LRMDA: variants seen among roughly 807,000 people sequenced by gnomAD.
The protein encoded by LRMDA is leucine-rich melanocyte differentiation-associated protein.
LRMDA carries 18 observed loss-of-function variants against 29.8 expected under a neutral mutation model. The observed-to-expected ratio is 0.60, with a 90% CI of 0.42 to 0.90. The LOEUF (loss-of-function observed/expected upper bound fraction) is 0.90. Among genes scored for constraint, LRMDA ranks in the 40% least tolerant of loss-of-function variants. The pLI is 0.00. For synonymous variants in LRMDA, 125 were observed against 109.4 expected, an observed-to-expected ratio of 1.14 and a Z score of -0.89; for missense variants, 273 against 273.9, an observed-to-expected ratio of 1.00 and a Z score of 0.02.
chr10:76,168,347 G>A (rs745509991), intron 5 of LRMDA, among the ~76,000 whole-genome samples: 19 of 152,184 alleles, frequency 1.2e-4, no homozygotes, highest in Admixed American at 3.3e-4. Context: ...GATTTCCTAT[G>A]TTGATTGGGA....
intron 6 of LRMDA, among the ~76,000 whole-genome samples, chr10:76,543,695 T>A (rs1374665247): frequency 2.0e-5 from 3 of 152,128 alleles, no homozygotes; most frequent in Non-Finnish European, 4.4e-5. Context: ...CATGCAGTAC[T>A]CCTAGAGAGC....
chr10:76,020,071 TGAGTAGTGTTTTCCTG>T (rs950564671), intron 2 of LRMDA, among the ~76,000 whole-genome samples: 3 of 152,174 alleles, frequency 2.0e-5, no homozygotes, highest in Non-Finnish European at 2.9e-5. Context: ...CACTGACCCC[TGAGTAGTGTTTTCCTG>T]GATGCTGCAT....
intron 6 of LRMDA, among the ~76,000 whole-genome samples, chr10:76,342,407 G>T (rs1047089406): frequency 1.3e-5 from 2 of 151,946 alleles, no homozygotes; most frequent in Non-Finnish European, 2.9e-5. Flanking sequence ...TAGATAGCTT[G>T]AAGTACATAT....
At chr10:75,691,062 TGCC>T (rs1589159322) in intron 2 of LRMDA, among the ~76,000 whole-genome samples, 1 of 136,230 alleles carries the variant, frequency 7.3e-6, no homozygotes, top group Non-Finnish European at 1.6e-5. Flanking sequence ...GATATATATC[TGCC>T]ATAGATATAT....
chr10:75,827,615 T>C (rs1844269779), intron 2 of LRMDA, among the ~76,000 whole-genome samples: 1 of 152,220 alleles, frequency 6.6e-6, no homozygotes, highest in South Asian at 2.1e-4. Flanking sequence ...TTGAGGGACT[T>C]TGAGGCACTG....
At chr10:76,120,226 TC>T (rs1849759334) in intron 5 of LRMDA, among the ~76,000 whole-genome samples, 1 of 150,504 alleles carries the variant, frequency 6.6e-6, no homozygotes, top group African/African-American at 2.5e-5. Flanking sequence ...TCTCACTCTG[TC>T]ACCCAGGCTG....
intron 5 of LRMDA, among the ~76,000 whole-genome samples, chr10:76,166,359 G>A (rs1336478146): frequency 6.6e-6 from 1 of 152,100 alleles, no homozygotes; most frequent in African/African-American, 2.4e-5. Context: ...GTGCAGGTTT[G>A]TTATATAGGT....
chr10:75,793,444 G>T (rs189877181), intron 2 of LRMDA, among the ~76,000 whole-genome samples: 3 of 152,268 alleles, frequency 2.0e-5, no homozygotes, highest in South Asian at 2.1e-4. Context: ...TTTCAGCAGG[G>T]TTATGCATGT....
At chr10:75,727,940 CT>C (rs1360838475) in intron 2 of LRMDA, among the ~76,000 whole-genome samples, 1 of 152,154 alleles carries the variant, frequency 6.6e-6, no homozygotes, top group African/African-American at 2.4e-5. Context: ...TTCAGGCCAT[CT>C]TTGATTTTTT....
rs1564646881 is a variant in LRMDA at position 76,077,991 on chromosome 10, CATTT to C, written c.516+19209_516+19212del. On this transcript the variant is annotated intron_variant, in intron 5 of 6. Coordinates refer to ENST00000611255, the MANE Select transcript of LRMDA (RefSeq NM_001305581.2). ...TTCCTACCCCTAACTGCAATATTAA[CATTT>C]TTTTTTTTTTTTTTTTTTTTTTTTT... 5.5e-4 allele frequency among the ~76,000 whole-genome samples: 46 copies of C among 83,460 alleles called. 1 individual carries two copies. The highest frequency in any genetic ancestry group is 2.0e-3 in the African/African-American group (43 of 21,736). 54.8% of individuals were successfully genotyped at this position (83,460 alleles called of 152,430 possible).
At chr10:76,306,693 C>T (rs1008981981) in intron 5 of LRMDA, among the ~76,000 whole-genome samples, 10 of 152,166 alleles carry the variant, frequency 6.6e-5, no homozygotes, top group Admixed American at 6.5e-4. Context: ...ATGAGAGATG[C>T]ACATTAGAAT....
At chr10:75,952,323 C>T (rs1049389898) in intron 2 of LRMDA, among the ~76,000 whole-genome samples, 10 of 152,244 alleles carry the variant, frequency 6.6e-5, no homozygotes, top group African/African-American at 2.4e-4. Context: ...TCAACACAAC[C>T]ATTTAATTTG....
chr10:75,553,647 A>G (rs1405608950), intron 2 of LRMDA, among the ~76,000 whole-genome samples: 1 of 152,146 alleles, frequency 6.6e-6, no homozygotes, highest in Admixed American at 6.5e-5. Context: ...GTAACTGAAA[A>G]GGTTTTCTAC....
intron 2 of LRMDA, among the ~76,000 whole-genome samples, chr10:75,593,563 C>T (rs990563123): frequency 6.6e-6 from 1 of 152,226 alleles, no homozygotes; most frequent in Non-Finnish European, 1.5e-5. Context: ...GAAAAGTATA[C>T]GAATGGATAG....
At chr10:76,391,035 C>T (rs575463417) in intron 6 of LRMDA, among the ~76,000 whole-genome samples, 3 of 152,304 alleles carry the variant, frequency 2.0e-5, no homozygotes, top group South Asian at 4.1e-4. Flanking sequence ...TATTTTCCCT[C>T]TGCAGTGACA....
chr10:76,351,805 T>C (rs1199682114), intron 6 of LRMDA, among the ~76,000 whole-genome samples: 1 of 151,826 alleles, frequency 6.6e-6, no homozygotes, highest in African/African-American at 2.4e-5. Context: ...TCATTTGAGG[T>C]GCCACAGAAA....
chr10:76,083,677 AC>A (rs1849083830), intron 5 of LRMDA, among the ~76,000 whole-genome samples: 1 of 152,088 alleles, frequency 6.6e-6, no homozygotes, highest in South Asian at 2.1e-4. Flanking sequence ...AAAAAAACAA[AC>A]AAAAAATTAG....
At chr10:75,823,822 C>T (rs1274704952) in intron 2 of LRMDA, among the ~76,000 whole-genome samples, 1 of 151,890 alleles carries the variant, frequency 6.6e-6, no homozygotes, top group African/African-American at 2.4e-5. Flanking sequence ...GGAATGAAAT[C>T]ATGTCTTTTG....
At chr10:75,687,868 C>T (rs953376544) in intron 2 of LRMDA, among the ~76,000 whole-genome samples, 12 of 152,208 alleles carry the variant, frequency 7.9e-5, no homozygotes, top group Middle Eastern at 3.4e-3. Context: ...TCCTTAAGAA[C>T]GATGCTAAAT....
Sources: allele counts gnomAD v4.1 joint callset (sites outside exome capture counted in the v4.1 genomes callset), GRCh38; gene constraint gnomAD v4.1.1; transcripts MANE v1.5; gene names NCBI Gene and HGNC (gene_info 2026-07-23, HGNC 2026-07-21).